Variants in SLC24A2 observed in about 807,000 individuals in gnomAD.
The protein encoded by SLC24A2 is solute carrier family 24 member 2, also known as sodium/potassium/calcium exchanger 2.
SLC24A2 carries 36 observed loss-of-function variants against 62.0 expected under a neutral mutation model. The observed-to-expected ratio is 0.58, with a 90% confidence interval of 0.44 to 0.77. SLC24A2 has a LOEUF of 0.77. Among genes scored for constraint, SLC24A2 ranks in the 30% least tolerant of loss-of-function variants. SLC24A2 has a pLI of 0.00. For missense variants in SLC24A2, 846 were observed against 817.9 expected, an observed-to-expected ratio of 1.03 and a Z score of -0.42; for synonymous variants, 358 against 294.0, an observed-to-expected ratio of 1.22 and a Z score of -2.23.
the SLC24A2 span, among the ~76,000 whole-genome samples, chr9:19,999,450 T>G: frequency 6.6e-6 from 1 of 152,216 alleles, no homozygotes; most frequent in East Asian, 1.9e-4. Context: ...CTTTCAGCAC[T>G]CAGGGCTAGG....
the SLC24A2 span, among the ~76,000 whole-genome samples, chr9:20,125,008 C>T: frequency 4.0e-4 from 61 of 152,266 alleles, no homozygotes; most frequent in African/African-American, 1.5e-3. Context: ...TGCTCACTAA[C>T]AGGCAACTAC....
At chr9:20,013,926 T>C in the SLC24A2 span, among the ~76,000 whole-genome samples, 1 of 152,178 alleles carries the variant, frequency 6.6e-6, no homozygotes, top group African/African-American at 2.4e-5. Flanking sequence ...AGATAAAAGA[T>C]GGCTGGGCAC....
the SLC24A2 span, among the ~76,000 whole-genome samples, chr9:19,938,064 T>C: frequency 2.6e-5 from 4 of 152,230 alleles, no homozygotes; most frequent in African/African-American, 9.6e-5. Flanking sequence ...GAGTCTTTTC[T>C]ATACTGTATA....
At chr9:19,962,345 G>A in the SLC24A2 span, among the ~76,000 whole-genome samples, 46 of 152,230 alleles carry the variant, frequency 3.0e-4, no homozygotes, top group African/African-American at 7.0e-4. Flanking sequence ...TTGGCGATGC[G>A]GGCTCTTTTT....
At chr9:19,839,818 G>A in the SLC24A2 span, among the ~76,000 whole-genome samples, 3 of 152,270 alleles carry the variant, frequency 2.0e-5, no homozygotes, top group South Asian at 2.1e-4. Context: ...TTATAATGGA[G>A]CTGAAAAATT....
intron 2 of SLC24A2, among the ~76,000 whole-genome samples, chr9:19,694,799 C>T (rs774910861): frequency 1.3e-5 from 2 of 152,100 alleles, no homozygotes; most frequent in Admixed American, 6.6e-5. Flanking sequence ...TGAGCATCTG[C>T]AGAATTTAAA....
chr9:19,956,842 G>C, the SLC24A2 span, among the ~76,000 whole-genome samples: 2 of 152,208 alleles, frequency 1.3e-5, no homozygotes, highest in East Asian at 1.9e-4. Flanking sequence ...CTCATGAATG[G>C]GATTGGTGCC....
At chr9:19,852,175 TTTTC>T in the SLC24A2 span, among the ~76,000 whole-genome samples, 1 of 152,174 alleles carries the variant, frequency 6.6e-6, no homozygotes, top group Non-Finnish European at 1.5e-5. Context: ...TTTAATGGTG[TTTTC>T]TTTTTCTTGT....
chr9:20,273,126 A>T, the SLC24A2 span, among the ~76,000 whole-genome samples: 1 of 152,196 alleles, frequency 6.6e-6, no homozygotes, highest in Non-Finnish European at 1.5e-5. Context: ...CAAAACCATG[A>T]TGCTTGTCCC....
At chr9:19,900,725 A>G in the SLC24A2 span, among the ~76,000 whole-genome samples, 1 of 152,234 alleles carries the variant, frequency 6.6e-6, no homozygotes, top group Non-Finnish European at 1.5e-5. Flanking sequence ...CTTCAAGGAA[A>G]GTAGTTCTAT....
the SLC24A2 span, among the ~76,000 whole-genome samples, chr9:20,065,445 G>T: frequency 6.6e-6 from 1 of 152,170 alleles, no homozygotes; most frequent in Non-Finnish European, 1.5e-5. Context: ...GATGTGGACT[G>T]GACAGAGGAA....
the SLC24A2 span, among the ~76,000 whole-genome samples, chr9:20,070,342 G>T: frequency 6.6e-6 from 1 of 152,188 alleles, no homozygotes; most frequent in Non-Finnish European, 1.5e-5. Context: ...CTAAGATTCT[G>T]TCAAGGTAGT....
chr9:19,950,857 T>C, the SLC24A2 span, among the ~76,000 whole-genome samples: 1 of 151,924 alleles, frequency 6.6e-6, no homozygotes, highest in Non-Finnish European at 1.5e-5. Flanking sequence ...GATTGAAACA[T>C]CCCGGAGCCT....
chr9:19,856,213 G>C, the SLC24A2 span, among the ~76,000 whole-genome samples: 448 of 152,188 alleles, frequency 2.9e-3, 1 homozygote, highest in African/African-American at 0.01. Context: ...TAGCTTCTTT[G>C]CATTGGGTTA....
chr9:20,094,011 G>C, the SLC24A2 span, among the ~76,000 whole-genome samples: 1 of 152,130 alleles, frequency 6.6e-6, no homozygotes, highest in African/African-American at 2.4e-5. Flanking sequence ...GTCCCTGAGA[G>C]TTTTCACGGA....
chr9:20,081,497 GA>G, the SLC24A2 span, among the ~76,000 whole-genome samples: 4 of 103,192 alleles, frequency 3.9e-5, no homozygotes, highest in East Asian at 1.4e-3. Flanking sequence ...GGGAGGGGGG[GA>G]GGGACAACAT....
the SLC24A2 span, among the ~76,000 whole-genome samples, chr9:20,078,879 C>T: frequency 3.3e-5 from 5 of 152,164 alleles, no homozygotes; most frequent in Admixed American, 6.5e-5. Flanking sequence ...ATTGTATGTG[C>T]TTTCTAATAA....
At chr9:20,087,623 T>G in the SLC24A2 span, among the ~76,000 whole-genome samples, 19 of 152,310 alleles carry the variant, frequency 1.2e-4, no homozygotes, top group Non-Finnish European at 2.6e-4. Flanking sequence ...ATTATTTGGA[T>G]GTTCTAGAGC....
intron 2 of SLC24A2, among the ~76,000 whole-genome samples, chr9:19,703,331 G>A (rs1026992817): frequency 1.4e-4 from 22 of 152,112 alleles, no homozygotes; most frequent in Admixed American, 9.8e-4. Flanking sequence ...CTTCAAACAC[G>A]AGCCCTTTCA....
Sources: allele counts gnomAD v4.1 joint callset (sites outside exome capture counted in the v4.1 genomes callset), GRCh38; gene constraint gnomAD v4.1.1; transcripts MANE v1.5; gene names NCBI Gene and HGNC (gene_info 2026-07-23, HGNC 2026-07-21).